The following RBFOX1 variants were observed in gnomAD, a reference collection of about 807,000 sequenced individuals.
RBFOX1 encodes the protein RNA binding protein fox-1 homolog 1.
A neutral mutation model predicts 57.7 loss-of-function variants in RBFOX1; 8 were observed. The observed-to-expected ratio is 0.14, with a 90% CI of 0.08 to 0.25. RBFOX1 has a LOEUF of 0.25. Among genes scored for constraint, RBFOX1 ranks in the 10% least tolerant of loss-of-function variants. RBFOX1 has a pLI of 1.00. For synonymous variants in RBFOX1, 326 were observed against 222.4 expected (o/e 1.47, Z -4.15); for missense variants, 611 against 548.5 (o/e 1.11, Z -1.14).
Position 6,908,911 on chromosome 16 carries a change from A to G in RBFOX1, c.-15-143146A>G, listed in dbSNP as rs1293436340. Reference sequence around the variant, plus strand: ...GCTAGGCACATCCTAAGCATTCATGACTGCAGCTGCTAGGATAATTTGGCA... The same window carrying G: ...GCTAGGCACATCCTAAGCATTCATGGCTGCAGCTGCTAGGATAATTTGGCA... On this transcript the variant is annotated intron_variant, in intron 3 of 15. Transcript: ENST00000550418. Among the ~76,000 whole-genome samples the G allele has an allele frequency of 3.3e-5, 5 of 152,232 alleles. No individual in the cohort carries two copies. In the East Asian group the frequency reaches 9.7e-4, roughly 29 times the overall value.
intron 4 of RBFOX1, among the ~76,000 whole-genome samples, chr16:7,507,561 C>T (rs200882454): frequency 2.6e-4 from 32 of 122,908 alleles, no homozygotes; most frequent in Middle Eastern, 6.1e-3. Context: ...TTTTTTCTTT[C>T]TTTCTTTTTT....
At chr16:7,413,472 C>G (rs549918010) in intron 4 of RBFOX1, among the ~76,000 whole-genome samples, 2 of 152,174 alleles carry the variant, frequency 1.3e-5, no homozygotes, top group Non-Finnish European at 2.9e-5. Context: ...TCACAAGATC[C>G]AAGGTGAGGT....
At chr16:6,744,866 C>T (rs1474602481) in intron 3 of RBFOX1, among the ~76,000 whole-genome samples, 1 of 151,716 alleles carries the variant, frequency 6.6e-6, no homozygotes, top group Non-Finnish European at 1.5e-5. Context: ...AGGTAGTAGG[C>T]CAAAAATGGA....
chr16:5,264,094 A>G (rs531352110), intron 1 of RBFOX1, among the ~76,000 whole-genome samples: 171 of 152,288 alleles, frequency 1.1e-3, no homozygotes, highest in African/African-American at 4.0e-3. Context: ...CAGGCTGAGC[A>G]GGAAGGTAAA....
chr16:6,160,980 TTC>T (rs2096874232), intron 1 of RBFOX1, among the ~76,000 whole-genome samples: 1 of 152,318 alleles, frequency 6.6e-6, no homozygotes, highest in South Asian at 2.1e-4. Flanking sequence ...TCTCTCCTTC[TTC>T]CTACCGACAA....
intron 3 of RBFOX1, among the ~76,000 whole-genome samples, chr16:6,736,719 C>G (rs1042350066): frequency 6.6e-6 from 1 of 152,152 alleles, no homozygotes; most frequent in Non-Finnish European, 1.5e-5. Context: ...CTTTTAGTTC[C>G]TTAATGAATC....
chr16:7,315,493 C>T (rs2096417266), intron 4 of RBFOX1, among the ~76,000 whole-genome samples: 1 of 147,026 alleles, frequency 6.8e-6, no homozygotes, highest in Admixed American at 6.8e-5. Flanking sequence ...ATTTCTTTTA[C>T]AAATGTGAAA....
intron 4 of RBFOX1, among the ~76,000 whole-genome samples, chr16:5,876,350 C>T (rs1407602021): frequency 6.6e-6 from 1 of 152,142 alleles, no homozygotes; most frequent in African/African-American, 2.4e-5. Context: ...TACAGATGAG[C>T]ATACTGAGGC....
intron 1 of RBFOX1, among the ~76,000 whole-genome samples, chr16:5,458,668 A>G (rs1350734374): frequency 6.6e-6 from 1 of 152,222 alleles, no homozygotes; most frequent in Non-Finnish European, 1.5e-5. Flanking sequence ...GTTGCCATGA[A>G]TCCAAATAGG....
At chr16:5,676,227 T>C (rs2050165441) in intron 3 of RBFOX1, among the ~76,000 whole-genome samples, 2 of 151,614 alleles carry the variant, frequency 1.3e-5, no homozygotes, top group Admixed American at 1.3e-4. Context: ...CTGCACGTTC[T>C]GGTATTCCAG....
At chr16:6,231,410 A>G (rs570677985) in intron 1 of RBFOX1, among the ~76,000 whole-genome samples, 2 of 152,288 alleles carry the variant, frequency 1.3e-5, no homozygotes, top group Admixed American at 1.3e-4. Flanking sequence ...AGAATCCCAT[A>G]AACATGGAAG....
intron 2 of RBFOX1, among the ~76,000 whole-genome samples, chr16:6,335,113 T>A (rs2083469811): frequency 6.6e-6 from 1 of 152,250 alleles, no homozygotes; most frequent in Admixed American, 6.5e-5. Flanking sequence ...GTTTAGGGAA[T>A]ACTGCTTGCT....
chr16:6,544,718 A>C (rs1046529607), intron 2 of RBFOX1, among the ~76,000 whole-genome samples: 1 of 152,154 alleles, frequency 6.6e-6, no homozygotes, highest in African/African-American at 2.4e-5. Flanking sequence ...TGTCTTTTCA[A>C]ACCTCAGTTT....
intron 4 of RBFOX1, among the ~76,000 whole-genome samples, chr16:7,244,538 C>T: frequency 6.6e-6 from 1 of 152,174 alleles, no homozygotes; most frequent in East Asian, 1.9e-4. Context: ...GAGTCAGAGC[C>T]AGCGGTGGCT....
At chr16:7,120,795 A>G (rs1021835729) in intron 4 of RBFOX1, among the ~76,000 whole-genome samples, 1 of 145,106 alleles carries the variant, frequency 6.9e-6, no homozygotes, top group Non-Finnish European at 1.5e-5. Flanking sequence ...TGATACGAAA[A>G]CCAGGCTATA....
At chr16:6,523,029 C>T (rs1270611505) in intron 2 of RBFOX1, among the ~76,000 whole-genome samples, 2 of 152,208 alleles carry the variant, frequency 1.3e-5, no homozygotes, top group Non-Finnish European at 2.9e-5. Context: ...CATAAGAAAA[C>T]TCCTTCCTGG....
chr16:7,630,489 C>T lies in RBFOX1; in HGVS notation c.677-114C>T, dbSNP rs563001056. The T allele has an allele frequency of 5.5e-5, 84 of 1,540,076 alleles. 2 individuals carry two copies. The East Asian group carries it at 2.0e-3, about 37-fold the overall frequency. On this transcript the variant is annotated intron_variant, in intron 10 of 15. Coordinates refer to ENST00000550418, the MANE Select transcript of RBFOX1 (RefSeq NM_018723.4). The stretch of plus-strand genomic sequence containing the variant: ...TTGTTGGGTACCCTTGTCCTGCGCT[C>T]TGGGATGTGGCTATGTTTTCATTTC...
chr16:5,364,366 T>C (rs1265746412), intron 1 of RBFOX1, among the ~76,000 whole-genome samples: 16 of 152,198 alleles, frequency 1.1e-4, no homozygotes, highest in Admixed American at 1.0e-3. Context: ...GTTGTGCAGC[T>C]GTCACTCATT....
At chr16:5,615,313 G>A (rs1482409414) in intron 3 of RBFOX1, among the ~76,000 whole-genome samples, 2 of 152,136 alleles carry the variant, frequency 1.3e-5, no homozygotes, top group Non-Finnish European at 2.9e-5. Context: ...TTACAGAAAG[G>A]AGCCACTGCA....
Sources: allele counts gnomAD v4.1 joint callset (sites outside exome capture counted in the v4.1 genomes callset), GRCh38; gene constraint gnomAD v4.1.1; transcripts MANE v1.5; gene names NCBI Gene and HGNC (gene_info 2026-07-23, HGNC 2026-07-21).